CUX1: variants seen among roughly 807,000 people sequenced by gnomAD.
CUX1 encodes the protein cut like homeobox 1.
In CUX1, 31 loss-of-function variants were observed where a neutral mutation model predicts 158.8. The observed-to-expected ratio is 0.20, with a 90% CI of 0.15 to 0.26. The LOEUF is 0.26. Ranked by LOEUF, CUX1 falls within the 10% of genes least tolerant of loss-of-function variation. CUX1 has a pLI of 1.00. For missense variants in CUX1, 1,589 were observed against 2,014.6 expected (o/e 0.79, Z 4.04); for synonymous variants, 879 against 862.1 (o/e 1.02, Z -0.34).
intron 2 of CUX1, among the ~76,000 whole-genome samples, chr7:102,010,458 C>G (rs565817355): frequency 6.6e-6 from 1 of 151,004 alleles, no homozygotes; most frequent in African/African-American, 2.4e-5. Context: ...GGAGATTCAC[C>G]AAGTGAACCA....
chr7:102,255,840 ATTTT>A lies in CUX1; in HGVS notation c.*6803_*6806del. ...CCTTCTTCTTTTTTATTATTTTATTATTTTTTTTGTACTTTGCTTTAAACGGAAA... is the reference window on the plus strand; with the variant it reads ...CCTTCTTCTTTTTTATTATTTTATTATTTTGTACTTTGCTTTAAACGGAAA... On this transcript the variant is annotated 3_prime_UTR_variant, in exon 24 of 24. Transcript: ENST00000292535. 2.0e-6 allele frequency: 2 copies of A among 981,764 alleles called. No homozygotes were observed. The highest frequency in any genetic ancestry group is 1.2e-6 in the Non-Finnish European group (1 of 827,210). The allele number at this position is 981,764 out of a possible 1,614,324, so 60.8% of individuals were successfully genotyped here.
chr7:102,235,259 T>A (rs1217626246), intron 22 of CUX1, among the ~76,000 whole-genome samples: 1 of 152,220 alleles, frequency 6.6e-6, no homozygotes, highest in East Asian at 1.9e-4. Context: ...GCACCCTCAG[T>A]CCTCAGGTCA....
At chr7:102,165,138 A>AC (rs782708576) in intron 9 of CUX1, among the ~76,000 whole-genome samples, 21 of 150,748 alleles carry the variant, frequency 1.4e-4, no homozygotes, top group Non-Finnish European at 2.4e-4. Context: ...CGCACATGAG[A>AC]CCCCCCAGCC....
In CUX1 at chr7:102,201,063, G is replaced by T. The variant is rs1241349282; in HGVS notation, c.2063-297G>T. Reference sequence around the variant, plus strand: ...AAAAAAAAAAAAAAAAATTCTCGGGGAAAGGAGCCCCAGGAGGGCAGGTCG... The same window carrying T: ...AAAAAAAAAAAAAAAAATTCTCGGGTAAAGGAGCCCCAGGAGGGCAGGTCG... On this transcript the variant is annotated intron_variant, in intron 17 of 23. Transcript: ENST00000292535. The surrounding 1 kb of genome is among the most constrained non-coding windows in gnomAD (Gnocchi z 5.0). Among the ~76,000 whole-genome samples, 1 of 148,164 alleles carries T rather than the reference G, an allele frequency of 6.7e-6. No individual in the cohort carries two copies. The highest frequency in any genetic ancestry group is 1.5e-5 in the Non-Finnish European group (1 of 67,458).
Position 101,916,297 on chromosome 7 carries a change from GT to G in CUX1, c.141+73del. On this transcript the variant is annotated intron_variant, in intron 2 of 23. Coordinates refer to ENST00000292535, the MANE Select transcript of CUX1 (RefSeq NM_181552.4). This position sits in a 1 kb window ranked among gnomAD's most constrained non-coding sequence, Gnocchi z 4.4. Reference sequence around the variant, plus strand: ...CTGGTGCATGTTCAGGCGACGCTCCGTGAGCGTTTCATTTTCATCAGATGAA... The same window carrying G: ...CTGGTGCATGTTCAGGCGACGCTCCGGAGCGTTTCATTTTCATCAGATGAA... 2 of 971,662 alleles carry G rather than the reference GT, an allele frequency of 2.1e-6. No individual in the cohort carries two copies. The highest frequency in any genetic ancestry group is 3.3e-6 in the Non-Finnish European group (2 of 601,398). The allele number at this position is 971,662 out of a possible 1,614,324, so 60.2% of individuals were successfully genotyped here.
chr7:102,176,267 C>T (rs1242623684), intron 10 of CUX1, among the ~76,000 whole-genome samples: 2 of 152,200 alleles, frequency 1.3e-5, no homozygotes, highest in African/African-American at 2.4e-5. Flanking sequence ...TTTGAAAATC[C>T]GTGGTGAGCA....
At chr7:101,872,701 C>T (rs185003529) in intron 1 of CUX1, among the ~76,000 whole-genome samples, 43 of 151,932 alleles carry the variant, frequency 2.8e-4, no homozygotes, top group African/African-American at 9.7e-4. Flanking sequence ...AGGATTTAGG[C>T]CTTTTTTGCA....
At chr7:102,116,094 G>A (rs1262401341) in intron 8 of CUX1, among the ~76,000 whole-genome samples, 5 of 152,094 alleles carry the variant, frequency 3.3e-5, no homozygotes, top group African/African-American at 9.7e-5. Context: ...CAGTGCCTCC[G>A]TGGGCATCGG....
intron 20 of CUX1, among the ~76,000 whole-genome samples, chr7:102,220,312 G>C (rs915450689): frequency 6.6e-6 from 1 of 152,222 alleles, no homozygotes; most frequent in Non-Finnish European, 1.5e-5. Flanking sequence ...AGTTAGCCGA[G>C]ATTGCACCAC....
chr7:101,858,170 A>C (rs567275881), intron 1 of CUX1, among the ~76,000 whole-genome samples: 1 of 152,312 alleles, frequency 6.6e-6, no homozygotes, highest in African/African-American at 2.4e-5. Context: ...TCTGAGGAGT[A>C]GGGTTTCTTA....
chr7:102,169,294 C>T (rs1554509785), intron 9 of CUX1, among the ~76,000 whole-genome samples: 1 of 152,118 alleles, frequency 6.6e-6, no homozygotes, highest in Non-Finnish European at 1.5e-5. Context: ...GTCTCGAACC[C>T]CTGACCTCAC....
chr7:102,253,974 A>G lies in CUX1; in HGVS notation c.*4932A>G. The G allele has an allele frequency of 1.0e-6, 1 of 985,448 alleles. No individual in the cohort carries two copies. The highest frequency in any genetic ancestry group is 1.2e-6 in the Non-Finnish European group (1 of 829,986). The allele number at this position is 985,448 out of a possible 1,614,324, so 61.0% of individuals were successfully genotyped here. ...TCTCCATCTGATGTCACCCAGAACC[A>G]CACCCCACAGAACTGTGAGGCACGT... On this transcript the variant is annotated 3_prime_UTR_variant, in exon 24 of 24. Transcript: ENST00000292535.
intron 2 of CUX1, among the ~76,000 whole-genome samples, chr7:102,023,240 G>A (rs565085105): frequency 2.6e-5 from 4 of 152,180 alleles, no homozygotes; most frequent in South Asian, 2.1e-4. Context: ...GTTTTTAAAC[G>A]TGTTCACTGC....
intron 2 of CUX1, among the ~76,000 whole-genome samples, chr7:101,965,548 G>A (rs530112607): frequency 5.9e-5 from 9 of 152,050 alleles, no homozygotes; most frequent in Admixed American, 1.3e-4. Flanking sequence ...TGTTGCCAGC[G>A]TTAAAAAATG....
chr7:101,949,373 G>A (rs569316632), intron 2 of CUX1, among the ~76,000 whole-genome samples: 8 of 151,950 alleles, frequency 5.3e-5, no homozygotes, highest in East Asian at 1.9e-4. Flanking sequence ...CTCGTGATCC[G>A]CCCGCCTAGG....
intron 3 of CUX1, among the ~76,000 whole-genome samples, chr7:102,050,812 C>T (rs1196281339): frequency 2.0e-5 from 3 of 151,990 alleles, no homozygotes; most frequent in African/African-American, 7.3e-5. Flanking sequence ...AAGTGATCCT[C>T]CCGCCTCAAC....
chr7:102,250,972 A>AT lies in CUX1; in HGVS notation c.*1931dup. 2.1e-6 allele frequency: 2 copies of AT among 958,352 alleles called. No homozygotes were observed. The highest frequency in any genetic ancestry group is 2.5e-6 in the Non-Finnish European group (2 of 805,644). 59.4% of individuals were successfully genotyped at this position (958,352 alleles called of 1,614,324 possible). On this transcript the variant is annotated 3_prime_UTR_variant, in exon 24 of 24. Coordinates refer to ENST00000292535, the MANE Select transcript of CUX1 (RefSeq NM_181552.4). Reference sequence around the variant, plus strand: ...CAATAGATGATTTCGGTATATATATATATTTTTTTTTGCTTATTTATAGGT... The same window carrying AT: ...CAATAGATGATTTCGGTATATATATATTATTTTTTTTTGCTTATTTATAGGT...
intron 15 of CUX1, 99 bp downstream of exon 15, chr7:102,197,404 A>G (rs1794906295): frequency 9.5e-6 from 13 of 1,361,608 alleles, no homozygotes; most frequent in South Asian, 1.3e-5. Flanking sequence ...GTGATGAAAC[A>G]TTTGTGCATC....
At chr7:101,833,270 C>T (rs1584693190) in intron 1 of CUX1, among the ~76,000 whole-genome samples, 1 of 151,076 alleles carries the variant, frequency 6.6e-6, no homozygotes, top group Non-Finnish European at 1.5e-5. Flanking sequence ...AGAAATTAGC[C>T]CAGCATGGTG....
Sources: gnomAD v4.1 joint callset for allele counts (sites outside exome capture counted in the v4.1 genomes callset) on GRCh38, gnomAD v4.1.1 for gene constraint, Gnocchi (gnomAD v3.1) non-coding constraint, MANE v1.5 for transcripts, NCBI Gene and HGNC (gene_info 2026-07-23, HGNC 2026-07-21) for gene names.